Variants in METTL25 observed in about 807,000 individuals in gnomAD.
METTL25 encodes the protein methyltransferase like 25, also known as probable methyltransferase-like protein 25.
A neutral mutation model predicts 71.6 loss-of-function variants in METTL25; 64 were observed. The ratio of observed to expected loss-of-function variants is 0.89; its 90% CI spans 0.73 to 1.10. The LOEUF (loss-of-function observed/expected upper bound fraction) is 1.10, where lower values mean the gene tolerates loss of function less well. METTL25 is among the 50% of genes least tolerant of loss of function. METTL25 has a pLI of 0.00. For synonymous variants in METTL25, 287 were observed against 250.3 expected, an observed-to-expected ratio of 1.15 and a Z score of -1.38; for missense variants, 807 against 707.0, an observed-to-expected ratio of 1.14 and a Z score of -1.60.
At chr12:82,398,046 G>A (rs954523369) in intron 3 of METTL25, among the ~76,000 whole-genome samples, 2 of 151,954 alleles carry the variant, frequency 1.3e-5, no homozygotes, top group African/African-American at 2.4e-5. Context: ...GTGTTGAAAT[G>A]TGAAGAAAGA....
chr12:82,380,576 T>G (rs910023118), intron 1 of METTL25, among the ~76,000 whole-genome samples: 3 of 152,194 alleles, frequency 2.0e-5, no homozygotes, highest in East Asian at 1.9e-4. Context: ...ATTTTATAGA[T>G]GAAGAAATTG....
chr12:82,380,877 A>G (rs1884375731), intron 1 of METTL25, among the ~76,000 whole-genome samples: 1 of 152,226 alleles, frequency 6.6e-6, no homozygotes, highest in Admixed American at 6.5e-5. Context: ...TTTCACCGAA[A>G]TGGTAACATT....
rs765050015 is a variant in METTL25 at position 82,358,587 on chromosome 12, C to G, written c.22C>G (p.Pro8Ala). The G allele has an allele frequency of 9.9e-6, 16 of 1,612,364 alleles. No individual in the cohort carries two copies. The highest frequency in any genetic ancestry group is 1.4e-5 in the Non-Finnish European group (16 of 1,179,932). ...CGTCATGGCGGCTTCTTGCCCTCTC[C>G]CGGTGACCCCGGACCTGCCCACGCT... MAASCPL[P>A]VTPDLPTLRA... The change falls in exon 1 of 12, where the codon CCG becomes GCG. Residue 8 changes from proline (P) to alanine (A), a missense_variant. Physicochemically the swap from Pro to Ala is conservative, Grantham distance 27. Transcript: ENST00000248306.
At chr12:82,420,341 G>A (rs1231526694) in intron 5 of METTL25, among the ~76,000 whole-genome samples, 13 of 152,068 alleles carry the variant, frequency 8.5e-5, no homozygotes, top group African/African-American at 3.1e-4. Context: ...CTTATATTAA[G>A]TCCTTTTACT....
At chr12:82,368,481 C>T (rs547615067) in intron 1 of METTL25, among the ~76,000 whole-genome samples, 4 of 152,180 alleles carry the variant, frequency 2.6e-5, no homozygotes, top group African/African-American at 7.2e-5. Context: ...GGGATATATC[C>T]GTTTCCTCTA....
chr12:82,387,209 C>T (rs1211186367), intron 2 of METTL25, among the ~76,000 whole-genome samples: 1 of 151,978 alleles, frequency 6.6e-6, no homozygotes, highest in Non-Finnish European at 1.5e-5. Flanking sequence ...ACTTCTACTG[C>T]AGATAGTTCC....
At chr12:82,454,656 A>G (rs1169764279) in intron 8 of METTL25, among the ~76,000 whole-genome samples, 1 of 151,968 alleles carries the variant, frequency 6.6e-6, no homozygotes, top group Non-Finnish European at 1.5e-5. Context: ...GAAAACTAAA[A>G]CAAGGCCAAA....
At position 82,445,552 on chromosome 12, in the gene METTL25, G is replaced by A. The variant is rs188767777; in HGVS notation, c.1478+6761G>A. Among the ~76,000 whole-genome samples, 78 of 152,262 alleles carry A rather than the reference G, an allele frequency of 5.1e-4. 2 individuals are homozygous for A. The East Asian group carries it at 7.5e-3, about 15-fold the overall frequency. Reference sequence around the variant, plus strand: ...TGTTTCTCCAGTGGACTGTGTATCAGTAAAAAGTGATCTCTCACAGTTCTT... The same window carrying A: ...TGTTTCTCCAGTGGACTGTGTATCAATAAAAAGTGATCTCTCACAGTTCTT... On this transcript the variant is annotated intron_variant, in intron 8 of 11. Transcript: ENST00000248306.
chr12:82,462,281 A>G (rs1891933169), intron 9 of METTL25, among the ~76,000 whole-genome samples: 1 of 152,214 alleles, frequency 6.6e-6, no homozygotes, highest in South Asian at 2.1e-4. Flanking sequence ...ATGAATATAC[A>G]GTGCTATAGA....
chr12:82,462,179 C>CTTCCATTCCATTCCATTCCA lies in METTL25; in HGVS notation c.1572+5369_1572+5370insTTCCATTCCATTCCATTCCA, dbSNP rs1334674737. Reference sequence around the variant, plus strand: ...TAAGGATGATCTGTACCAGGCGATGCTTCCATTCCAATGCCTTCCTTTTAT... The same window carrying CTTCCATTCCATTCCATTCCA: ...TAAGGATGATCTGTACCAGGCGATGCTTCCATTCCATTCCATTCCATTCCATTCCAATGCCTTCCTTTTAT... On this transcript the variant is annotated intron_variant, in intron 9 of 11. Coordinates refer to ENST00000248306, the MANE Select transcript of METTL25 (RefSeq NM_032230.3). Among the ~76,000 whole-genome samples the CTTCCATTCCATTCCATTCCA allele has an allele frequency of 2.0e-5, 3 of 152,270 alleles. No individual in the cohort carries two copies. The East Asian group carries it at 5.8e-4, about 29-fold the overall frequency.
chr12:82,364,107 A>G (rs2136807375), intron 1 of METTL25, among the ~76,000 whole-genome samples: 1 of 152,316 alleles, frequency 6.6e-6, no homozygotes, highest in Admixed American at 6.5e-5. Flanking sequence ...AACCTATACT[A>G]TCTCATCAGT....
Position 82,410,426 on chromosome 12 carries a change from A to G in METTL25, c.1279+7296A>G, listed in dbSNP as rs550671654. 2.3e-4 allele frequency among the ~76,000 whole-genome samples: 35 copies of G among 152,176 alleles called. No individual in the cohort carries two copies. In the East Asian group the frequency reaches 5.6e-3, roughly 24 times the overall value. On this transcript the variant is annotated intron_variant, in intron 5 of 11. Coordinates refer to ENST00000248306, the MANE Select transcript of METTL25 (RefSeq NM_032230.3). The stretch of plus-strand genomic sequence containing the variant: ...TTCTTAAACAAGACTATTTACTGCT[A>G]TGGGCTTTTAATGCTGGAAGTTTGG...
In METTL25 at chr12:82,476,625, G is replaced by A. The variant is rs563998280; in HGVS notation, c.1573-19G>A. On this transcript the variant is annotated intron_variant, in intron 9 of 11. Coordinates refer to ENST00000248306, the MANE Select transcript of METTL25 (RefSeq NM_032230.3). ...TTTTTAAACTATCGTTAAATTTATTGTTGTTTTTTATCTTGAAGCTGCCAG... is the reference window on the plus strand; with the variant it reads ...TTTTTAAACTATCGTTAAATTTATTATTGTTTTTTATCTTGAAGCTGCCAG... The A allele has an allele frequency of 1.3e-6, 2 of 1,488,366 alleles. No individual in the cohort carries two copies. The highest frequency in any genetic ancestry group is 1.2e-5 in the South Asian group (1 of 83,354). The allele number at this position is 1,488,366 out of a possible 1,614,324, so 92.2% of individuals were successfully genotyped here.
At chr12:82,473,403 G>A (rs751927383) in intron 9 of METTL25, among the ~76,000 whole-genome samples, 1 of 152,120 alleles carries the variant, frequency 6.6e-6, no homozygotes, top group Non-Finnish European at 1.5e-5. Flanking sequence ...GGCCTCTCCA[G>A]GGGAGGGCTG....
rs1889445316 is a variant in METTL25 at position 82,430,994 on chromosome 12, T to A, written c.1374+7T>A. On this transcript the variant is annotated splice_region_variant and intron_variant, in intron 6 of 11. Transcript: ENST00000248306. ...CAGAATGTCAGCATGTTTGGTATGG[T>A]TATATTTTTTCCTGGAGTAACAGCT... The A allele has an allele frequency of 6.4e-7, 1 of 1,557,550 alleles. No homozygotes were observed. The highest frequency in any genetic ancestry group is 1.8e-5 in the Admixed American group (1 of 56,820).
intron 9 of METTL25, among the ~76,000 whole-genome samples, chr12:82,471,458 C>G (rs958790354): frequency 6.6e-6 from 1 of 152,192 alleles, no homozygotes; most frequent in African/African-American, 2.4e-5. Context: ...TTTAACACAG[C>G]ATTGCCCAAA....
intron 5 of METTL25, chr12:82,407,724 G>T (rs1384289681): frequency 4.0e-6 from 3 of 742,598 alleles, no homozygotes; most frequent in South Asian, 6.1e-5. Context: ...TACTTCGGAG[G>T]TCAAGAAAAC....
chr12:82,442,955 ATAAT>A (rs145403411), intron 8 of METTL25, among the ~76,000 whole-genome samples: 4,149 of 152,056 alleles, frequency 0.027, 75 homozygotes, highest in Middle Eastern at 0.041. Flanking sequence ...AGCTAAAGAA[ATAAT>A]TAATGAACTG....
chr12:82,430,183 T>C (rs1889371072), intron 5 of METTL25, among the ~76,000 whole-genome samples: 1 of 150,384 alleles, frequency 6.6e-6, no homozygotes, highest in African/African-American at 2.4e-5. Context: ...TAGAAATTGC[T>C]TTTTTTTTCT....
Sources: allele counts gnomAD v4.1 joint callset (sites outside exome capture counted in the v4.1 genomes callset), GRCh38; gene constraint gnomAD v4.1.1; transcripts MANE v1.5; gene names NCBI Gene and HGNC (gene_info 2026-07-23, HGNC 2026-07-21).